Variants in CCDC148 observed in about 807,000 individuals in gnomAD.
The protein encoded by CCDC148 is coiled-coil domain-containing protein 148.
Under a neutral mutation model 85.7 loss-of-function variants are expected in CCDC148, and 89 were observed. The observed-to-expected ratio is 1.04, with a 90% CI of 0.87 to 1.24. The LOEUF is 1.24. Ranked by LOEUF, CCDC148 falls within the 50% of genes most tolerant of loss-of-function variation. The probability of loss-of-function intolerance (pLI) is 0.00; values close to 1 mark genes in which losing one functional copy is unlikely to be tolerated. For synonymous variants in CCDC148, 230 were observed against 213.9 expected, an observed-to-expected ratio of 1.08 and a Z score of -0.66; for missense variants, 692 against 671.7, an observed-to-expected ratio of 1.03 and a Z score of -0.33.
At chr2:158,424,261 T>C (rs1433371042) in intron 1 of CCDC148, among the ~76,000 whole-genome samples, 1 of 152,150 alleles carries the variant, frequency 6.6e-6, no homozygotes, top group African/African-American at 2.4e-5. Context: ...TAAAGACACA[T>C]GCACATGTAT....
chr2:158,278,408 G>A (rs1341429153), intron 9 of CCDC148, among the ~76,000 whole-genome samples: 2 of 152,140 alleles, frequency 1.3e-5, no homozygotes, highest in African/African-American at 2.4e-5. Context: ...CTGGAAAATC[G>A]GGTCACTCCC....
chr2:158,328,191 G>C (rs980738223), intron 7 of CCDC148, among the ~76,000 whole-genome samples: 6 of 152,064 alleles, frequency 3.9e-5, no homozygotes, highest in African/African-American at 9.7e-5. Context: ...AGGCCCCAGT[G>C]TGCGATGTTG....
intron 3 of CCDC148, among the ~76,000 whole-genome samples, chr2:158,343,625 G>C (rs936403529): frequency 6.6e-6 from 1 of 152,122 alleles, no homozygotes; most frequent in African/African-American, 2.4e-5. Context: ...TTATGGTAAG[G>C]CATAGAATCT....
chr2:158,350,243 T>C (rs1272059201), intron 2 of CCDC148, among the ~76,000 whole-genome samples: 1 of 152,184 alleles, frequency 6.6e-6, no homozygotes, highest in African/African-American at 2.4e-5. Flanking sequence ...CTGAAATATA[T>C]TGATGCTTTC....
At chr2:158,225,051 C>G (rs190151539) in intron 10 of CCDC148, among the ~76,000 whole-genome samples, 17 of 152,172 alleles carry the variant, frequency 1.1e-4, no homozygotes, top group South Asian at 4.2e-4. Flanking sequence ...GCTGTATTCA[C>G]GAAACCCATC....
intron 1 of CCDC148, among the ~76,000 whole-genome samples, chr2:158,395,982 C>T (rs74723833): frequency 0.075 from 11,375 of 151,828 alleles, 571 homozygotes; most frequent in South Asian, 0.11. Context: ...CAGAGTCTTC[C>T]GTAAAGCAAT....
chr2:158,430,973 A>G (rs937139199), intron 1 of CCDC148, among the ~76,000 whole-genome samples: 9 of 152,102 alleles, frequency 5.9e-5, no homozygotes, highest in African/African-American at 2.2e-4. Flanking sequence ...ATAGCAGATT[A>G]GATCTGCAGA....
At chr2:158,274,371 G>A (rs1247758761) in intron 9 of CCDC148, among the ~76,000 whole-genome samples, 1 of 124,166 alleles carries the variant, frequency 8.1e-6, no homozygotes, top group Non-Finnish European at 1.8e-5. Flanking sequence ...CCATTCATGG[G>A]TTTGAGTCAT....
At chr2:158,291,837 C>T (rs1335683314) in intron 9 of CCDC148, among the ~76,000 whole-genome samples, 3 of 152,178 alleles carry the variant, frequency 2.0e-5, no homozygotes, top group African/African-American at 7.2e-5. Flanking sequence ...GAATAAATTA[C>T]ACCATATAAA....
In CCDC148 at chr2:158,338,575, C is replaced by T. The variant is rs930764321; in HGVS notation, c.764+151G>A. 11 of 572,388 alleles carry T rather than the reference C, an allele frequency of 1.9e-5. No individual in the cohort carries two copies. The South Asian group carries it at 2.4e-4, about 12-fold the overall frequency. The allele number at this position is 572,388 out of a possible 1,614,324, so 35.5% of individuals were successfully genotyped here. The stretch of plus-strand genomic sequence containing the variant: ...GAAATTTTTTTGAAAAAATAAAACC[C>T]TCTCTATTCATCAAATAGTCAGTCT... On this transcript the variant is annotated intron_variant, in intron 7 of 13. Coordinates refer to ENST00000283233, the MANE Select transcript of CCDC148 (RefSeq NM_138803.4).
intron 3 of CCDC148, among the ~76,000 whole-genome samples, chr2:158,344,671 C>A (rs568027735): frequency 1.3e-5 from 2 of 151,934 alleles, no homozygotes. Context: ...TTTATCTTTA[C>A]GTGACAGCTG....
chr2:158,276,504 C>T (rs527948579), intron 9 of CCDC148, among the ~76,000 whole-genome samples: 21 of 151,382 alleles, frequency 1.4e-4, no homozygotes, highest in Admixed American at 3.3e-4. Context: ...TGCAGTGAGC[C>T]GAGATCACGC....
chr2:158,277,956 T>C (rs1193140460), intron 9 of CCDC148, among the ~76,000 whole-genome samples: 2 of 152,174 alleles, frequency 1.3e-5, no homozygotes, highest in Non-Finnish European at 1.5e-5. Context: ...ACAAATGATC[T>C]AGATAAGACA....
Position 158,436,896 on chromosome 2 carries a change from C to T in CCDC148, c.25+19519G>A, listed in dbSNP as rs529788423. 9.9e-5 allele frequency among the ~76,000 whole-genome samples: 15 copies of T among 152,092 alleles called. No individual in the cohort carries two copies. The East Asian group carries it at 2.3e-3, about 23-fold the overall frequency. On this transcript the variant is annotated intron_variant, in intron 1 of 13. Transcript: ENST00000283233. Reference sequence around the variant, plus strand: ...ATCTAGAAGAAATGGATAAATTCCTCGACACATACACCCTCTCAAGACTAA... The same window carrying T: ...ATCTAGAAGAAATGGATAAATTCCTTGACACATACACCCTCTCAAGACTAA...
chr2:158,367,845 G>C (rs1161395178), intron 1 of CCDC148, among the ~76,000 whole-genome samples: 4 of 152,078 alleles, frequency 2.6e-5, no homozygotes, highest in Admixed American at 2.0e-4. Flanking sequence ...TAAAGCTGAG[G>C]TATTATAAAA....
At chr2:158,336,426 A>G (rs1194678935) in intron 7 of CCDC148, among the ~76,000 whole-genome samples, 1 of 152,100 alleles carries the variant, frequency 6.6e-6, no homozygotes, top group Non-Finnish European at 1.5e-5. Flanking sequence ...TTTGCATGTT[A>G]TTTTTATTTG....
intron 1 of CCDC148, among the ~76,000 whole-genome samples, chr2:158,364,714 A>G (rs1352201864): frequency 6.6e-6 from 1 of 152,240 alleles, no homozygotes; most frequent in Non-Finnish European, 1.5e-5. Context: ...CAGTCCTAGA[A>G]GAAAACCTAG....
At chr2:158,175,298 A>ATT (rs1684524132) in intron 13 of CCDC148, among the ~76,000 whole-genome samples, 1 of 150,988 alleles carries the variant, frequency 6.6e-6, no homozygotes. Context: ...AAACCTTGTA[A>ATT]TTAATCCTTC....
chr2:158,253,264 TA>T (rs1688870280), intron 9 of CCDC148, among the ~76,000 whole-genome samples: 1 of 151,722 alleles, frequency 6.6e-6, no homozygotes, highest in Non-Finnish European at 1.5e-5. Context: ...AGAATCTAAA[TA>T]ATTTAGTTTT....
Sources: allele counts gnomAD v4.1 joint callset (sites outside exome capture counted in the v4.1 genomes callset), GRCh38; gene constraint gnomAD v4.1.1; transcripts MANE v1.5; gene names NCBI Gene and HGNC (gene_info 2026-07-23, HGNC 2026-07-21).